SBSN: variants seen among roughly 807,000 people sequenced by gnomAD.
The protein encoded by SBSN is suprabasin.
Under a neutral mutation model 42.8 loss-of-function variants are expected in SBSN, and 33 were observed. That is an observed-to-expected ratio of 0.77 (90% CI 0.58 to 1.03). SBSN has a LOEUF of 1.03. Ranked by LOEUF, SBSN falls within the 50% of genes least tolerant of loss-of-function variation. The pLI, the probability that SBSN is intolerant of heterozygous loss-of-function variation, is 0.00. For synonymous variants in SBSN, 276 were observed against 307.0 expected, an observed-to-expected ratio of 0.90 and a Z score of 1.06; for missense variants, 646 against 757.3, an observed-to-expected ratio of 0.85 and a Z score of 1.72.
chr19:35,527,293 C>G lies in SBSN; in HGVS notation c.989G>C (p.Gly330Ala), dbSNP rs761252804. ...HAAGQAGNEA[G>A]RFGQGVHHGL... The stretch of plus-strand genomic sequence containing the variant: ...ATGGTGGACCCCCTGGCCAAACCTC[C>G]CAGCCTCATTTCCGGCCTGCCCCGC... The change falls in exon 1 of 4, where the codon GGG becomes GCG. Residue 330 changes from glycine (G) to alanine (A), a missense_variant. Transcript: ENST00000452271. 4.6e-6 allele frequency: 7 copies of G among 1,528,332 alleles called. No individual in the cohort carries two copies. In the Admixed American group the frequency reaches 1.4e-4, roughly 31 times the overall value. 94.7% of individuals were successfully genotyped at this position (1,528,332 alleles called of 1,614,324 possible).
At chr19:35,523,676 G>T in intron 3 of SBSN, 143 bp from the exon 4 acceptor site, 1 of 811,542 alleles carries the variant, frequency 1.2e-6, no homozygotes, top group Non-Finnish European at 2.1e-6. Context: ...GTTTCAGGAA[G>T]GTAGCATCTA....
chr19:35,526,934 C>T lies in SBSN; in HGVS notation c.1348G>A (p.Glu450Lys), dbSNP rs552886285. The T allele has an allele frequency of 1.9e-5, 30 of 1,588,344 alleles. No homozygotes were observed. The highest frequency in any genetic ancestry group is 3.3e-4 in the Middle Eastern group (2 of 6,022). The change falls in exon 1 of 4, where the codon GAG becomes AAG. Residue 450 changes from glutamate (E) to lysine (K), a missense_variant. By Grantham distance (56) the Glu-to-Lys change is moderately conservative. Coordinates refer to ENST00000452271, the MANE Select transcript of SBSN (RefSeq NM_001166034.2). Reference protein sequence around the residue: ...AVHGVQPGVHEAGKEAGQFGQ... With the variant: ...AVHGVQPGVHKAGKEAGQFGQ... Reference sequence around the variant, plus strand: ...AACTGCCCTGCCTCCTTCCCGGCCTCGTGGACCCCAGGTTGGACACCATGA... The same window carrying T: ...AACTGCCCTGCCTCCTTCCCGGCCTTGTGGACCCCAGGTTGGACACCATGA...
chr19:35,526,136 G>A (rs1216685924), intron 1 of SBSN, among the ~76,000 whole-genome samples: 38 of 152,176 alleles, frequency 2.5e-4, no homozygotes. Flanking sequence ...CTGAGCCTTT[G>A]TTTCCTTATC....
At chr19:35,524,616 G>T in intron 3 of SBSN, 95 bp downstream of exon 3, 2 of 1,372,350 alleles carry the variant, frequency 1.5e-6, no homozygotes, top group Non-Finnish European at 2.1e-6. Flanking sequence ...AGGTCTGCCC[G>T]CCCGGGGAGC....
At chr19:35,526,026 A>G (rs542815815) in intron 1 of SBSN, among the ~76,000 whole-genome samples, 95 of 152,140 alleles carry the variant, frequency 6.2e-4, no homozygotes, top group African/African-American at 2.1e-3. Flanking sequence ...CCTTCCAGAA[A>G]ACCTCTCCTG....
chr19:35,527,104 G>T lies in SBSN; in HGVS notation c.1178C>A (p.Ala393Asp). 6.5e-7 allele frequency: 1 copy of T among 1,537,360 alleles called. No individual in the cohort carries two copies. ...AEKFGQGVHH[A>D]ASQVGKEEDR... The stretch of plus-strand genomic sequence containing the variant: ...TTCCTCCTTCCCCACCTGCGAGGCA[G>T]CATGGTGGACACCCTGGCCAAACTT... The change falls in exon 1 of 4, where the codon GCT becomes GAT. Residue 393 changes from alanine (A) to aspartate (D), a missense_variant. By Grantham distance (126) the Ala-to-Asp change is moderately radical. Coordinates refer to ENST00000452271, the MANE Select transcript of SBSN (RefSeq NM_001166034.2).
intron 3 of SBSN, 72 bp downstream of exon 3, chr19:35,524,639 C>T (rs113831486): frequency 1.3e-6 from 2 of 1,550,646 alleles, no homozygotes; most frequent in East Asian, 4.5e-5. Flanking sequence ...TCCAAACAGA[C>T]ACCGGGAAGG....
At chr19:35,526,614 T>TC (rs1167855991) in intron 1 of SBSN, 30 bp downstream of exon 1, 16 of 418,472 alleles carry the variant, frequency 3.8e-5, no homozygotes, top group South Asian at 7.4e-5. Flanking sequence ...AACCCCCCTG[T>TC]CCCCCATCTC....
Position 35,524,728 on chromosome 19 carries a change from GGTTGATGAAAGGCGT to G in SBSN, c.1717_1731del (p.Thr573_Asn577del). ...GCACTCACCCTCCACAGGGCGGGAA[GGTTGATGAAAGGCGT>G]GTTGACCGAGGCCTGCAATTCAAGG... On this transcript the variant is annotated inframe_deletion, in exon 3 of 4. Transcript: ENST00000452271. 6.2e-7 allele frequency: 1 copy of G among 1,613,960 alleles called. No individual in the cohort carries two copies. Among genetic ancestry groups the G allele is most frequent in the South Asian group, 1.1e-5 (1 of 91,082 alleles).
rs1220871374 is a variant in SBSN, at chr19:35,528,153, T to C, written c.129A>G (p.Ala43=). Residue 43 remains alanine, a synonymous_variant, in exon 1 of 4, where the codon GCA becomes GCG. Coordinates refer to ENST00000452271, the MANE Select transcript of SBSN (RefSeq NM_001166034.2). The stretch of plus-strand genomic sequence containing the variant: ...CCAGGGCCTTGCCCACCTCTCTCTC[T>C]GCATTGCTCAGCCCTCGGTTGATCC... The part of the protein sequence containing the change: ...IEGINRGLSN[A]EREVGKALDG... 5 of 1,613,972 alleles carry C rather than the reference T, an allele frequency of 3.1e-6. No individual in the cohort carries two copies. The highest frequency in any genetic ancestry group is 1.1e-5 in the South Asian group (1 of 91,090).
intron 1 of SBSN, 26 bp downstream of exon 1, chr19:35,526,618 C>CCCT: frequency 1.3e-6 from 2 of 1,518,328 alleles, no homozygotes; most frequent in Non-Finnish European, 1.8e-6. Flanking sequence ...CCCCTGTCCC[C>CCCT]CATCTCCCCA....
At chr19:35,525,084 C>T (rs1334855118) in intron 1 of SBSN, among the ~76,000 whole-genome samples, 160 bp from the exon 2 acceptor site, 3 of 152,198 alleles carry the variant, frequency 2.0e-5, no homozygotes, top group Non-Finnish European at 4.4e-5. Flanking sequence ...AAACCCAAAG[C>T]CCGTGCTCGC....
intron 1 of SBSN, 87 bp downstream of exon 1, chr19:35,526,557 C>G: frequency 3.5e-6 from 4 of 1,159,180 alleles, no homozygotes; most frequent in Non-Finnish European, 4.7e-6. Flanking sequence ...CTACGCGGAC[C>G]CCCCCGCCCC....
rs376696068 is a variant in SBSN, at chr19:35,524,852, C to A, written c.1704+7G>T. The A allele has an allele frequency of 3.1e-6, 5 of 1,613,954 alleles. No individual in the cohort carries two copies. The African/African-American group carries it at 6.7e-5, about 22-fold the overall frequency. On this transcript the variant is annotated splice_region_variant and intron_variant, in intron 2 of 3. Coordinates refer to ENST00000452271, the MANE Select transcript of SBSN (RefSeq NM_001166034.2). ...CTCCTCTCCCCTACCCCAGAGTCCG[C>A]GCTTACCCCAGAGGCTAACGGCGTG...
Position 35,523,399 on chromosome 19 carries a change from CA to C in SBSN, c.*110del. On this transcript the variant is annotated 3_prime_UTR_variant, in exon 4 of 4. Transcript: ENST00000452271. The stretch of plus-strand genomic sequence containing the variant: ...TCAAGTTTATTCACAAATCCCAGTA[CA>C]ACCCCCTTCAGGGATTTCAGAAACC... The C allele has an allele frequency of 9.5e-7, 1 of 1,056,672 alleles. No individual in the cohort carries two copies. Among genetic ancestry groups the C allele is most frequent in the Non-Finnish European group, 1.5e-6 (1 of 678,398 alleles). 65.5% of individuals were successfully genotyped at this position (1,056,672 alleles called of 1,614,324 possible). A position where few individuals can be genotyped will look rare whatever the true frequency, so the allele number is the denominator to read the frequency against.
In SBSN at chr19:35,524,695, AC is replaced by A; in HGVS notation, c.1749+15del. On this transcript the variant is annotated intron_variant, in intron 3 of 3. Coordinates refer to ENST00000452271, the MANE Select transcript of SBSN (RefSeq NM_001166034.2). ...TCAGGACGCAGAGCAGAAAAGAGAC[AC>A]CATGGGGCACTCACCCTCCACAGGG... is the stretch of plus-strand genomic sequence containing the variant. 1 of 1,613,534 alleles carries A rather than the reference AC, an allele frequency of 6.2e-7. No homozygotes were observed.
rs113939892 is a variant in SBSN, at chr19:35,524,853, G to A, written c.1704+6C>T. On this transcript the variant is annotated splice_donor_region_variant and intron_variant, in intron 2 of 3. Coordinates refer to ENST00000452271, the MANE Select transcript of SBSN (RefSeq NM_001166034.2). ...TCCTCTCCCCTACCCCAGAGTCCGC[G>A]CTTACCCCAGAGGCTAACGGCGTGG... 0.037 allele frequency: 60,006 copies of A among 1,613,868 alleles called. 1,359 individuals carry two copies. The highest frequency in any genetic ancestry group is 0.045 in the Non-Finnish European group (52,820 of 1,179,846).
intron 1 of SBSN, among the ~76,000 whole-genome samples, chr19:35,526,402 G>A (rs2071370396): frequency 6.6e-6 from 1 of 152,096 alleles, no homozygotes; most frequent in Non-Finnish European, 1.5e-5. Flanking sequence ...GGGACAGGGT[G>A]CCCGCCACCC....
At chr19:35,526,615 C>G (rs1395038726) in intron 1 of SBSN, 29 bp downstream of exon 1, 1 of 497,588 alleles carries the variant, frequency 2.0e-6, no homozygotes, top group Middle Eastern at 4.5e-4. Context: ...ACCCCCCTGT[C>G]CCCCATCTCC....
Sources: allele counts gnomAD v4.1 joint callset (sites outside exome capture counted in the v4.1 genomes callset), GRCh38; gene constraint gnomAD v4.1.1; transcripts MANE v1.5; gene names NCBI Gene and HGNC (gene_info 2026-07-23, HGNC 2026-07-21).